The following ZMYND12 variants were observed in gnomAD, a reference collection of about 807,000 sequenced individuals.
The protein encoded by ZMYND12 is zinc finger MYND-type containing 12.
Under a neutral mutation model 41.7 loss-of-function variants are expected in ZMYND12, and 32 were observed. That is an observed-to-expected ratio of 0.77 (90% CI 0.58 to 1.03). The LOEUF is 1.03. Ranked by LOEUF, ZMYND12 falls within the 50% of genes least tolerant of loss-of-function variation. The probability of loss-of-function intolerance (pLI) is 0.00; values close to 1 mark genes in which losing one functional copy is unlikely to be tolerated. For missense variants in ZMYND12, 424 were observed against 438.5 expected, an observed-to-expected ratio of 0.97 and a Z score of 0.30; for synonymous variants, 148 against 164.8, an observed-to-expected ratio of 0.90 and a Z score of 0.78.
At chr1:42,431,807 A>G (rs1218064832) in intron 7 of ZMYND12, among the ~76,000 whole-genome samples, 1 of 152,152 alleles carries the variant, frequency 6.6e-6, no homozygotes, top group Non-Finnish European at 1.5e-5. Flanking sequence ...TGCCCTGTGC[A>G]CTGTGCTCCC....
At chr1:42,438,000 G>A (rs543339663) in intron 4 of ZMYND12, among the ~76,000 whole-genome samples, 44 of 151,716 alleles carry the variant, frequency 2.9e-4, no homozygotes, top group African/African-American at 7.0e-4. Context: ...TCATAGAGAC[G>A]GGGTTTCACC....
chr1:42,439,455 G>A (rs771167190), intron 4 of ZMYND12, among the ~76,000 whole-genome samples: 26 of 152,122 alleles, frequency 1.7e-4, no homozygotes, highest in Admixed American at 2.0e-4. Context: ...TAGTAGGGAC[G>A]GGGTTTCACC....
chr1:42,441,506 T>C (rs1642968195), intron 3 of ZMYND12, among the ~76,000 whole-genome samples: 1 of 152,246 alleles, frequency 6.6e-6, no homozygotes, highest in Admixed American at 6.5e-5. Flanking sequence ...TTATAATACC[T>C]AATACAAAGT....
intron 1 of ZMYND12, 139 bp from the exon 2 acceptor site, chr1:42,450,198 G>C: frequency 1.1e-6 from 1 of 884,292 alleles, no homozygotes; most frequent in Non-Finnish European, 1.7e-6. Flanking sequence ...AGCCATTTCT[G>C]AGACTCAAAT....
Position 42,436,513 on chromosome 1 carries a change from C to CTG in ZMYND12, c.623_624dup (p.Glu209GlnfsTer41). On this transcript the variant is annotated frameshift_variant, in exon 5 of 8. Transcript: ENST00000372565. LOFTEE classifies it high-confidence loss of function. ...TAGCCTCCTGAAGTCCTAATGTCCT[C>CTG]TGTTCCAAATGCACAACTGGCAAAA... The CTG allele has an allele frequency of 6.2e-7, 1 of 1,613,578 alleles. No individual in the cohort carries two copies. The highest frequency in any genetic ancestry group is 2.2e-5 in the East Asian group (1 of 44,858).
intron 1 of ZMYND12, among the ~76,000 whole-genome samples, chr1:42,452,477 C>T (rs564015956): frequency 5.9e-5 from 9 of 152,124 alleles, no homozygotes; most frequent in East Asian, 1.9e-4. Flanking sequence ...CCGAGGAGGG[C>T]GGATCACAAG....
intron 3 of ZMYND12, among the ~76,000 whole-genome samples, chr1:42,447,262 C>A (rs749541057): frequency 6.6e-6 from 1 of 152,144 alleles, no homozygotes; most frequent in Non-Finnish European, 1.5e-5. Flanking sequence ...GAGAACACAG[C>A]ATCACCTCTG....
chr1:42,449,792 A>G lies in ZMYND12; in HGVS notation c.252+126T>C, dbSNP rs72659909. ...ACTGGATGGTGTTGAGGACTTAAAA[A>G]GATATAAAACAAAGTCTCTGCCCTC... On this transcript the variant is annotated intron_variant, in intron 2 of 7. Transcript: ENST00000372565. The G allele has an allele frequency of 9.6e-3, 11,340 of 1,175,772 alleles. 78 individuals are homozygous for G. The highest frequency in any genetic ancestry group is 0.012 in the Non-Finnish European group (10,350 of 850,968). The allele number at this position is 1,175,772 out of a possible 1,614,324, so 72.8% of individuals were successfully genotyped here.
intron 4 of ZMYND12, among the ~76,000 whole-genome samples, chr1:42,437,362 C>T (rs1013392746): frequency 6.6e-6 from 1 of 151,820 alleles, no homozygotes; most frequent in Admixed American, 6.6e-5. Flanking sequence ...AATGGTTGCG[C>T]TACTCTGTAA....
At chr1:42,455,229 C>T (rs2148412911) in intron 1 of ZMYND12, among the ~76,000 whole-genome samples, 1 of 152,290 alleles carries the variant, frequency 6.6e-6, no homozygotes. Context: ...TTCTGACTGC[C>T]CTCTCAAAAT....
intron 3 of ZMYND12, among the ~76,000 whole-genome samples, chr1:42,443,779 TTGAG>T (rs1642993707): frequency 6.6e-6 from 1 of 152,188 alleles, no homozygotes; most frequent in Non-Finnish European, 1.5e-5. Context: ...ACCTAATTGA[TTGAG>T]TCTCTATCAC....
chr1:42,444,449 T>C (rs948048951), intron 3 of ZMYND12, among the ~76,000 whole-genome samples: 4 of 152,218 alleles, frequency 2.6e-5, no homozygotes, highest in African/African-American at 9.6e-5. Context: ...CCAATGACTG[T>C]GAAGTTACAG....
intron 7 of ZMYND12, among the ~76,000 whole-genome samples, chr1:42,431,694 T>C (rs377749070): frequency 2.0e-5 from 3 of 152,152 alleles, no homozygotes; most frequent in East Asian, 1.9e-4. Context: ...AAATTGGACA[T>C]TGCACCGTAG....
chr1:42,437,736 C>T (rs563055622), intron 4 of ZMYND12, among the ~76,000 whole-genome samples: 4 of 151,538 alleles, frequency 2.6e-5, no homozygotes, highest in Non-Finnish European at 5.9e-5. Context: ...GGCTGGAGTG[C>T]AGTGGCGCAA....
At chr1:42,437,477 TG>T (rs1194028720) in intron 4 of ZMYND12, among the ~76,000 whole-genome samples, 3 of 145,602 alleles carry the variant, frequency 2.1e-5, no homozygotes, top group Non-Finnish European at 3.1e-5. Flanking sequence ...TGTGTGTGTG[TG>T]TTTAAAAAGC....
chr1:42,448,512 C>T lies in ZMYND12; in HGVS notation c.379G>A (p.Val127Ile), dbSNP rs141832712. The T allele has an allele frequency of 4.2e-5, 68 of 1,611,114 alleles. No individual in the cohort carries two copies. Among genetic ancestry groups the T allele is most frequent in the South Asian group, 2.6e-4 (24 of 90,612 alleles). Residue 127 changes from valine (V) to isoleucine (I), a missense_variant, in exon 3 of 8, where the codon GTA becomes ATA. Coordinates refer to ENST00000372565, the MANE Select transcript of ZMYND12 (RefSeq NM_032257.5). ...FRVKLYGLSS[V>I]ELVPAYLLLA... Reference sequence around the variant, plus strand: ...AGCAGGTAAGCAGGCACAAGCTCTACGGAGCTCAGGCCATACAGCTTCACA... The same window carrying T: ...AGCAGGTAAGCAGGCACAAGCTCTATGGAGCTCAGGCCATACAGCTTCACA...
Position 42,430,667 on chromosome 1 carries a change from T to G in ZMYND12, c.*69A>C. The G allele has an allele frequency of 2.5e-6, 4 of 1,588,822 alleles. No homozygotes were observed. The South Asian group carries it at 4.5e-5, about 18-fold the overall frequency. On this transcript the variant is annotated 3_prime_UTR_variant, in exon 8 of 8. Transcript: ENST00000372565. ...AGTCTACAGTACCTCAAAGCAGTTG[T>G]GCAAGGCTGGAATATATTAGATCTT... is the stretch of plus-strand genomic sequence containing the variant.
At chr1:42,442,675 C>T (rs1219034025) in intron 3 of ZMYND12, among the ~76,000 whole-genome samples, 2 of 152,110 alleles carry the variant, frequency 1.3e-5, no homozygotes, top group Non-Finnish European at 2.9e-5. Context: ...GACACGAACC[C>T]CTCATAAGCC....
intron 2 of ZMYND12, 92 bp downstream of exon 2, chr1:42,449,823 GGTT>G: frequency 6.8e-7 from 1 of 1,476,442 alleles, no homozygotes; most frequent in Non-Finnish European, 9.2e-7. Flanking sequence ...CCCTCCGTGA[GGTT>G]ACAATTTAGT....
Sources: allele counts gnomAD v4.1 joint callset (sites outside exome capture counted in the v4.1 genomes callset), GRCh38; gene constraint gnomAD v4.1.1; transcripts MANE v1.5; gene names NCBI Gene and HGNC (gene_info 2026-07-23, HGNC 2026-07-21).